The following PSMD5 variants were observed in gnomAD, a reference collection of about 807,000 sequenced individuals.
PSMD5 encodes proteasome 26S subunit, non-ATPase 5.
In PSMD5, 40 loss-of-function variants were observed where a neutral mutation model predicts 52.1. The ratio of observed to expected loss-of-function variants is 0.77; its 90% CI spans 0.60 to 1.00. The LOEUF is 1.00. Ranked by LOEUF, PSMD5 falls within the 50% of genes least tolerant of loss-of-function variation. The pLI is 0.00. For synonymous variants in PSMD5, 211 were observed against 226.6 expected, an observed-to-expected ratio of 0.93 and a Z score of 0.62; for missense variants, 575 against 605.2, an observed-to-expected ratio of 0.95 and a Z score of 0.52.
intron 9 of PSMD5, among the ~76,000 whole-genome samples, 167 bp downstream of exon 9, chr9:120,820,668 ACAAT>A (rs1249531742): frequency 6.6e-6 from 1 of 152,228 alleles, no homozygotes; most frequent in Non-Finnish European, 1.5e-5. Context: ...TTTTACTGAA[ACAAT>A]CTGTTTACAC....
chr9:120,833,496 C>T (rs377296628), intron 1 of PSMD5, 40 bp from the exon 2 acceptor site: 1 of 1,579,768 alleles, frequency 6.3e-7, no homozygotes. Flanking sequence ...TCATATCCTG[C>T]CCAGGTAGGA....
At chr9:120,820,231 G>A (rs1476910546) in intron 9 of PSMD5, among the ~76,000 whole-genome samples, 1 of 152,172 alleles carries the variant, frequency 6.6e-6, no homozygotes, top group East Asian at 1.9e-4. Flanking sequence ...GAAACTACAT[G>A]AAAGGAAGGT....
At chr9:120,827,437 C>G (rs1588068770) in intron 5 of PSMD5, among the ~76,000 whole-genome samples, 1 of 152,306 alleles carries the variant, frequency 6.6e-6, no homozygotes, top group African/African-American at 2.4e-5. Flanking sequence ...GCCACTGCCA[C>G]ATATTAAGAA....
intron 5 of PSMD5, among the ~76,000 whole-genome samples, chr9:120,827,741 A>T (rs1437949440): frequency 6.6e-6 from 1 of 152,258 alleles, no homozygotes; most frequent in Non-Finnish European, 1.5e-5. Context: ...AAATCATTTA[A>T]GATAAGAAAA....
Position 120,829,350 on chromosome 9 carries a change from G to C in PSMD5, c.562-142C>G, listed in dbSNP as rs2045145089. ...AATCCATTATTTGTCTCTTTAAGTA[G>C]AAAAACTTCAGTGAACGCATAAGAA... On this transcript the variant is annotated intron_variant, in intron 4 of 9. Coordinates refer to ENST00000210313, the MANE Select transcript of PSMD5 (RefSeq NM_005047.4). 3.8e-6 allele frequency: 4 copies of C among 1,065,122 alleles called. No homozygotes were observed. In the South Asian group the frequency reaches 7.5e-5, roughly 20 times the overall value. 66.0% of individuals were successfully genotyped at this position (1,065,122 alleles called of 1,614,324 possible).
At position 120,826,905 on chromosome 9, in the gene PSMD5, G is replaced by C. The variant is rs2045126939; in HGVS notation, c.674C>G (p.Ala225Gly). ...TGATGTCACCATTTCTATACAGGTG[G>C]CTCTAAAATGTCAGAAGGACAAAAA... ...ELTGEDVLVRATCIEMVTSLA... is the reference protein window; with the variant it reads ...ELTGEDVLVRGTCIEMVTSLA... The change falls in exon 6 of 10, where the codon GCC becomes GGC. Residue 225 changes from alanine (A) to glycine (G), a missense_variant and splice_region_variant. Transcript: ENST00000210313. 6.2e-7 allele frequency: 1 copy of C among 1,604,968 alleles called. No homozygotes were observed. The highest frequency in any genetic ancestry group is 1.7e-5 in the Admixed American group (1 of 58,708).
Position 120,817,576 on chromosome 9 carries a change from G to A in PSMD5, c.*330C>T. 4.3e-6 allele frequency: 1 copy of A among 230,968 alleles called. No individual in the cohort carries two copies. Among genetic ancestry groups the A allele is most frequent in the Admixed American group, 5.1e-5 (1 of 19,738 alleles). The allele number at this position is 230,968 out of a possible 1,614,324, so 14.3% of individuals were successfully genotyped here. On this transcript the variant is annotated 3_prime_UTR_variant, in exon 10 of 10. Coordinates refer to ENST00000210313, the MANE Select transcript of PSMD5 (RefSeq NM_005047.4). ...GTTAGCCACCGCGCCCAGCCCTGAA[G>A]CAGGCTTTTAGATAAGATTGCATGT... is the stretch of plus-strand genomic sequence containing the variant.
In PSMD5 at chr9:120,842,898, C is replaced by G. The variant is rs749297201; in HGVS notation, c.12G>C (p.Gln4His). MAAQALALLREVAR... is the reference protein window; with the variant it reads MAAHALALLREVAR... The stretch of plus-strand genomic sequence containing the variant: ...CTACCTCTCTCAGCAGCGCCAAAGC[C>G]TGGGCTGCCATCTTGCCCCCCGACG... Residue 4 changes from glutamine (Q) to histidine (H), a missense_variant, in exon 1 of 10, where the codon CAG becomes CAC. Gln to His is a conservative substitution (Grantham distance 24). Transcript: ENST00000210313. 2 of 1,589,122 alleles carry G rather than the reference C, an allele frequency of 1.3e-6. No homozygotes were observed. Among genetic ancestry groups the G allele is most frequent in the Non-Finnish European group, 1.7e-6 (2 of 1,173,232 alleles).
chr9:120,818,015 A>G lies in PSMD5; in HGVS notation c.1406T>C (p.Ile469Thr), dbSNP rs892491110. 1.1e-5 allele frequency: 17 copies of G among 1,614,064 alleles called. No individual in the cohort carries two copies. The highest frequency in any genetic ancestry group is 1.4e-5 in the Non-Finnish European group (16 of 1,180,026). The change falls in exon 10 of 10, where the codon ATT becomes ACT. Residue 469 changes from isoleucine (I) to threonine (T), a missense_variant. Transcript: ENST00000210313. ...ATTTGGGTTCCCAAAGATTTCTGCA[A>G]TTGTCTTGGAATTGGCAAGTGCTTT... ...LVKALANSKT[I>T]AEIFGNPNYL... is the part of the protein sequence containing the mutation.
chr9:120,837,326 ACCG>A, intron 1 of PSMD5, among the ~76,000 whole-genome samples: 1 of 152,288 alleles, frequency 6.6e-6, no homozygotes, highest in South Asian at 2.1e-4. Context: ...AGCCTGAAGA[ACCG>A]AATGTTTAAT....
Position 120,833,313 on chromosome 9 carries a change from T to C in PSMD5, c.317A>G (p.Gln106Arg). The stretch of plus-strand genomic sequence containing the variant: ...TCGGTTCCTAGTAGAATTTCATACC[T>C]GGGAAAGAGTGAGGATTTTTACAGA... ...DDSVKILTLS[Q>R]IGRIVENSDA... Residue 106 changes from glutamine to arginine, a missense_variant and splice_region_variant, in exon 2 of 10, where the codon CAG becomes CGG. Gln to Arg is a conservative substitution (Grantham distance 43). Coordinates refer to ENST00000210313, the MANE Select transcript of PSMD5 (RefSeq NM_005047.4). 1 of 1,613,650 alleles carries C rather than the reference T, an allele frequency of 6.2e-7. No individual in the cohort carries two copies. The highest frequency in any genetic ancestry group is 8.5e-7 in the Non-Finnish European group (1 of 1,179,722).
At position 120,817,931 on chromosome 9, in the gene PSMD5, G is replaced by A. The variant is rs752722111; in HGVS notation, c.1490C>T (p.Thr497Met). Residue 497 changes from threonine to methionine, a missense_variant, in exon 10 of 10, where the codon ACG becomes ATG. Transcript: ENST00000210313. ...EGPYYVKPVSTTAVEGAE is the reference protein window; with the variant it reads ...EGPYYVKPVSMTAVEGAE Reference sequence around the variant, plus strand: ...TCATTCGGCTCCTTCTACTGCTGTCGTGGAAACAGGTTTCACATAGTATGG... The same window carrying A: ...TCATTCGGCTCCTTCTACTGCTGTCATGGAAACAGGTTTCACATAGTATGG... 9.3e-6 allele frequency: 15 copies of A among 1,613,212 alleles called. No homozygotes were observed. Among genetic ancestry groups the A allele is most frequent in the African/African-American group, 5.3e-5 (4 of 74,900 alleles).
chr9:120,835,166 C>A (rs1353097922), intron 1 of PSMD5, among the ~76,000 whole-genome samples: 1 of 152,122 alleles, frequency 6.6e-6, no homozygotes, highest in Non-Finnish European at 1.5e-5. Flanking sequence ...TAATTGAAAA[C>A]ATGCTATTTT....
At chr9:120,818,696 C>T (rs1413960148) in intron 9 of PSMD5, among the ~76,000 whole-genome samples, 1 of 151,164 alleles carries the variant, frequency 6.6e-6, no homozygotes, top group Non-Finnish European at 1.5e-5. Flanking sequence ...CAATGAAATA[C>T]CAACTTTCTA....
chr9:120,821,413 G>T lies in PSMD5; in HGVS notation c.1058C>A (p.Ala353Asp), dbSNP rs1298374950. The T allele has an allele frequency of 1.2e-6, 2 of 1,609,548 alleles. No individual in the cohort carries two copies. Among genetic ancestry groups the T allele is most frequent in the Admixed American group, 3.4e-5 (2 of 59,216 alleles). The part of the protein sequence containing the change: ...LMRIGHQSKN[A>D]PVELKIRCLD... ...ACATCTAATTTTTAGCTCCACTGGG[G>T]CATTCTTTGATTGATGTCCTATTCT... Residue 353 changes from alanine (A) to aspartate (D), a missense_variant, in exon 8 of 10, where the codon GCC (alanine) becomes GAC (aspartate). By Grantham distance (126) the Ala-to-Asp change is moderately radical (BLOSUM62 -2). Transcript: ENST00000210313.
chr9:120,831,553 T>C (rs1031234737), intron 3 of PSMD5, 94 bp from the exon 4 acceptor site: 1 of 1,367,708 alleles, frequency 7.3e-7, no homozygotes, highest in African/African-American at 1.5e-5. Flanking sequence ...GGAATGCACC[T>C]TGCCCATGTT....
chr9:120,834,152 TG>T (rs996270216), intron 1 of PSMD5, among the ~76,000 whole-genome samples: 5 of 152,024 alleles, frequency 3.3e-5, no homozygotes, highest in African/African-American at 1.2e-4. Flanking sequence ...GCTAACTTTT[TG>T]TATTTTTAGC....
At position 120,816,364 on chromosome 9, in the gene PSMD5, A is replaced by C. The variant is rs888938511; in HGVS notation, c.*1542T>G. On this transcript the variant is annotated 3_prime_UTR_variant, in exon 10 of 10. Coordinates refer to ENST00000210313, the MANE Select transcript of PSMD5 (RefSeq NM_005047.4). ...CTGTACACTTAAAATAGTTATGACAAATTTTATTGTATATATTGCACCACA... is the reference window on the plus strand; with the variant it reads ...CTGTACACTTAAAATAGTTATGACACATTTTATTGTATATATTGCACCACA... 6.6e-6 allele frequency: 1 copy of C among 152,240 alleles called. No homozygotes were observed. The highest frequency in any genetic ancestry group is 2.4e-5 in the African/African-American group (1 of 41,470). 9.4% of individuals were successfully genotyped at this position (152,240 alleles called of 1,614,324 possible). A position where few individuals can be genotyped will look rare whatever the true frequency, so the allele number is the denominator to read the frequency against.
In PSMD5 at chr9:120,827,027, C is replaced by T. The variant is rs536469485; in HGVS notation, c.672-120G>A. The T allele has an allele frequency of 6.8e-6, 7 of 1,035,524 alleles. No individual in the cohort carries two copies. In the African/African-American group the frequency reaches 9.9e-5, roughly 15 times the overall value. The allele number at this position is 1,035,524 out of a possible 1,614,324, so 64.1% of individuals were successfully genotyped here. A position where few individuals can be genotyped will look rare whatever the true frequency, so the allele number is the denominator to read the frequency against. On this transcript the variant is annotated intron_variant, in intron 5 of 9. Transcript: ENST00000210313. ...TTATCACATTCGAAAGGTCAATAAT[C>T]TTGGCTCCTCTTTTCACATGAAGCC...
Sources: gnomAD v4.1 joint callset for allele counts (sites outside exome capture counted in the v4.1 genomes callset) on GRCh38, gnomAD v4.1.1 for gene constraint, MANE v1.5 for transcripts, NCBI Gene and HGNC (gene_info 2026-07-23, HGNC 2026-07-21) for gene names.